TRAK1: variants seen among roughly 807,000 people sequenced by gnomAD.
The protein encoded by TRAK1 is trafficking kinesin protein 1.
A neutral mutation model predicts 92.1 loss-of-function variants in TRAK1; 33 were observed. That is an observed-to-expected ratio of 0.36 (90% confidence interval 0.27 to 0.48). The LOEUF is 0.48. Among genes scored for constraint, TRAK1 ranks in the 20% least tolerant of loss-of-function variants. The pLI, the probability that TRAK1 is intolerant of heterozygous loss-of-function variation, is 0.99. For synonymous variants in TRAK1, 521 were observed against 517.3 expected (o/e 1.01, Z -0.10); for missense variants, 1,123 against 1,257.9 (o/e 0.89, Z 1.62).
intron 1 of TRAK1, among the ~76,000 whole-genome samples, chr3:42,107,256 C>T (rs2149048602): frequency 6.6e-6 from 1 of 152,266 alleles, no homozygotes; most frequent in Non-Finnish European, 1.5e-5. Context: ...TGCCTTATGC[C>T]TGTAATCCCA....
At chr3:42,135,993 A>C (rs986167232) in intron 2 of TRAK1, among the ~76,000 whole-genome samples, 2 of 152,192 alleles carry the variant, frequency 1.3e-5, no homozygotes, top group East Asian at 3.8e-4. Flanking sequence ...GGCCCTCACC[A>C]ATGACCCTGT....
At chr3:42,131,902 TAAAA>T (rs57140951) in intron 2 of TRAK1, among the ~76,000 whole-genome samples, 68,351 of 137,528 alleles carry the variant, frequency 0.5, 16,578 homozygotes, top group South Asian at 0.61. Context: ...TACAAAAAAT[TAAAA>T]AAAAAAAAAA....
upstream of TRAK1, among the ~76,000 whole-genome samples, chr3:42,087,803 T>C (rs540108587): frequency 6.6e-6 from 1 of 152,336 alleles, no homozygotes; most frequent in Admixed American, 6.5e-5. Flanking sequence ...TGCACTGTCA[T>C]TGTGGGATGC....
chr3:42,039,405 C>T (rs1201670171), intron 1 of TRAK1, among the ~76,000 whole-genome samples: 1 of 152,128 alleles, frequency 6.6e-6, no homozygotes, highest in Non-Finnish European at 1.5e-5. Flanking sequence ...GTTCTGTCAC[C>T]CAGGCTGGAG....
intron 1 of TRAK1, among the ~76,000 whole-genome samples, chr3:42,025,511 T>C (rs1435790757): frequency 6.6e-6 from 1 of 152,206 alleles, no homozygotes; most frequent in Non-Finnish European, 1.5e-5. Flanking sequence ...TTTCTGGTAT[T>C]TGCCTTTCAT....
chr3:42,065,077 AAAAC>A (rs375454303), intron 1 of TRAK1, among the ~76,000 whole-genome samples: 3,563 of 151,776 alleles, frequency 0.023, 102 homozygotes, highest in African/African-American at 0.059. Context: ...ACTCTGTCTC[AAAAC>A]AAACAAACAA....
intron 2 of TRAK1, among the ~76,000 whole-genome samples, chr3:42,167,235 G>A (rs1701990652): frequency 6.6e-6 from 1 of 152,190 alleles, no homozygotes; most frequent in Admixed American, 6.5e-5. Context: ...TCTCTGGGGT[G>A]TCGATTAGAA....
chr3:42,197,677 A>G (rs942286390), intron 10 of TRAK1, among the ~76,000 whole-genome samples: 1 of 152,236 alleles, frequency 6.6e-6, no homozygotes, highest in African/African-American at 2.4e-5. Flanking sequence ...ATAACGTTTA[A>G]TGGCAATCTG....
chr3:42,023,017 A>G (rs961471340), intron 1 of TRAK1, among the ~76,000 whole-genome samples: 2 of 151,630 alleles, frequency 1.3e-5, no homozygotes, highest in East Asian at 3.9e-4. Context: ...AATTAGCTGG[A>G]CGTGGTGGTG....
At chr3:42,072,137 G>A (rs1178590932) in intron 1 of TRAK1, among the ~76,000 whole-genome samples, 3 of 152,182 alleles carry the variant, frequency 2.0e-5, no homozygotes, top group African/African-American at 2.4e-5. Context: ...TTAAGCGTCC[G>A]GAGGCCACTA....
In TRAK1 at chr3:42,202,382, T is replaced by A. The variant is rs1277269419; in HGVS notation, c.1428-54T>A. ...GCTGTGCATTGAGCAGTCGGGCCTCTGTGGCCTTGGAGCCCTGCTGGCATT... is the reference window on the plus strand; with the variant it reads ...GCTGTGCATTGAGCAGTCGGGCCTCAGTGGCCTTGGAGCCCTGCTGGCATT... On this transcript the variant is annotated intron_variant, in intron 12 of 15. Coordinates refer to ENST00000327628, the MANE Select transcript of TRAK1 (RefSeq NM_001042646.3). The surrounding 1 kb of genome is among the most constrained non-coding windows in gnomAD (Gnocchi z 6.1). The A allele has an allele frequency of 6.2e-6, 9 of 1,444,246 alleles. No individual in the cohort carries two copies. Among genetic ancestry groups the A allele is most frequent in the Non-Finnish European group, 8.2e-6 (9 of 1,093,072 alleles). 89.5% of individuals were successfully genotyped at this position (1,444,246 alleles called of 1,614,324 possible).
At chr3:42,181,152 C>T (rs72869979) in intron 3 of TRAK1, among the ~76,000 whole-genome samples, 7,896 of 152,276 alleles carry the variant, frequency 0.052, 676 homozygotes, top group African/African-American at 0.18. Flanking sequence ...GGAAGCCTTC[C>T]GCATCCTTCA....
At chr3:42,123,721 T>C (rs932763629) in intron 1 of TRAK1, among the ~76,000 whole-genome samples, 1 of 151,870 alleles carries the variant, frequency 6.6e-6, no homozygotes, top group African/African-American at 2.4e-5. Context: ...TTTTTTTCTC[T>C]CCTCTGCCCC....
chr3:42,092,913 T>C (rs2148974788), intron 1 of TRAK1, among the ~76,000 whole-genome samples: 1 of 152,266 alleles, frequency 6.6e-6, no homozygotes, highest in South Asian at 2.1e-4. Flanking sequence ...CTATCACTGA[T>C]TTAAGCCATA....
intron 2 of TRAK1, among the ~76,000 whole-genome samples, chr3:42,159,274 G>A (rs949193342): frequency 2.0e-5 from 3 of 152,244 alleles, no homozygotes; most frequent in East Asian, 3.9e-4. Flanking sequence ...CAGCCTGTTC[G>A]GGAGGTTGGA....
rs528668108 is a variant in TRAK1, at chr3:42,047,882, C to T, written c.-519+33765C>T. The stretch of plus-strand genomic sequence containing the variant: ...TCATTTTCATCAAGGCAATCATATG[C>T]ACATAGCTTTTTAAAACACTCCCCC... On this transcript the variant is annotated intron_variant, in intron 1 of 16. Coordinates refer to the TRAK1 transcript ENST00000487159. 4.7e-5 allele frequency among the ~76,000 whole-genome samples: 7 copies of T among 150,274 alleles called. No individual in the cohort carries two copies. In the South Asian group the frequency reaches 1.5e-3, roughly 31 times the overall value.
intron 1 of TRAK1, among the ~76,000 whole-genome samples, chr3:42,075,314 T>C (rs2148943079): frequency 7.2e-6 from 1 of 138,640 alleles, no homozygotes; most frequent in Admixed American, 7.5e-5. Flanking sequence ...GCACTTCAGC[T>C]TGGGTGACAG....
chr3:42,210,512 C>T lies in TRAK1; in HGVS notation c.1963+527C>T. Reference sequence around the variant, plus strand: ...GTCTAAGGGGAAGATTCTCAAGTCCCCTGGTGATTTCCAAGTGGAGCTGAG... The same window carrying T: ...GTCTAAGGGGAAGATTCTCAAGTCCTCTGGTGATTTCCAAGTGGAGCTGAG... On this transcript the variant is annotated intron_variant, in intron 14 of 15. Coordinates refer to ENST00000327628, the MANE Select transcript of TRAK1 (RefSeq NM_001042646.3). 3 of 1,184,296 alleles carry T rather than the reference C, an allele frequency of 2.5e-6. No individual in the cohort carries two copies. In the South Asian group the frequency reaches 1.2e-4, roughly 46 times the overall value. 73.4% of individuals were successfully genotyped at this position (1,184,296 alleles called of 1,614,324 possible). A position where few individuals can be genotyped will look rare whatever the true frequency, so the allele number is the denominator to read the frequency against.
At chr3:42,171,026 A>G (rs1576769658) in intron 2 of TRAK1, among the ~76,000 whole-genome samples, 1 of 151,578 alleles carries the variant, frequency 6.6e-6, no homozygotes, top group African/African-American at 2.4e-5. Context: ...ACGGGATTTC[A>G]CCGTGGTCTT....
Sources: allele counts gnomAD v4.1 joint callset (sites outside exome capture counted in the v4.1 genomes callset), GRCh38; gene constraint gnomAD v4.1.1; non-coding constraint Gnocchi (gnomAD v3.1); transcripts MANE v1.5; gene names NCBI Gene and HGNC (gene_info 2026-07-23, HGNC 2026-07-21).